The following GALNTL6 variants were observed in gnomAD, a reference collection of about 807,000 sequenced individuals.
GALNTL6 encodes polypeptide N-acetylgalactosaminyltransferase like 6.
A neutral mutation model predicts 73.7 loss-of-function variants in GALNTL6; 46 were observed. That is an observed-to-expected ratio of 0.62 (90% CI 0.49 to 0.80). The LOEUF is 0.80. Ranked by LOEUF, GALNTL6 falls within the 30% of genes least tolerant of loss-of-function variation. The pLI is 0.00. For synonymous variants in GALNTL6, 259 were observed against 263.7 expected (o/e 0.98, Z 0.17); for missense variants, 604 against 755.0 (o/e 0.80, Z 2.34).
intron 2 of GALNTL6, among the ~76,000 whole-genome samples, chr4:171,836,854 C>T (rs984437346): frequency 2.6e-5 from 4 of 152,034 alleles, no homozygotes; most frequent in African/African-American, 9.7e-5. Context: ...AGTTTCTCTT[C>T]ATTATAGAAG....
chr4:172,529,905 T>C (rs1000323610), intron 5 of GALNTL6, among the ~76,000 whole-genome samples: 3 of 148,810 alleles, frequency 2.0e-5, no homozygotes, highest in Admixed American at 2.0e-4. Context: ...ATTTATCTAT[T>C]TATTTATTGT....
At chr4:172,558,513 G>T (rs147906614) in intron 5 of GALNTL6, among the ~76,000 whole-genome samples, 187 of 152,256 alleles carry the variant, frequency 1.2e-3, no homozygotes, top group Non-Finnish European at 2.1e-3. Flanking sequence ...AAAAGATGAT[G>T]TGAGGATACA....
intron 2 of GALNTL6, among the ~76,000 whole-genome samples, chr4:172,085,442 C>T (rs1284636185): frequency 6.6e-6 from 1 of 152,016 alleles, no homozygotes. Flanking sequence ...AATCCTAGCA[C>T]TTTCGGAGGC....
chr4:172,622,678 A>G (rs547203923), intron 5 of GALNTL6, among the ~76,000 whole-genome samples: 1 of 152,284 alleles, frequency 6.6e-6, no homozygotes, highest in East Asian at 1.9e-4. Context: ...GCTGATAGGA[A>G]TAGGAGAACT....
intron 3 of GALNTL6, among the ~76,000 whole-genome samples, chr4:172,273,538 A>C (rs1474574072): frequency 1.3e-5 from 2 of 152,206 alleles, no homozygotes; most frequent in African/African-American, 4.8e-5. Context: ...ACTGGTGCAC[A>C]TAATACAATG....
intron 2 of GALNTL6, among the ~76,000 whole-genome samples, chr4:171,874,660 A>C (rs1736225921): frequency 6.6e-6 from 1 of 152,212 alleles, no homozygotes; most frequent in Admixed American, 6.5e-5. Context: ...AGGAACAGAC[A>C]CTTGCAGCGG....
intron 5 of GALNTL6, among the ~76,000 whole-genome samples, chr4:172,657,190 G>A (rs551649435): frequency 6.6e-6 from 1 of 152,258 alleles, no homozygotes; most frequent in East Asian, 1.9e-4. Context: ...CAAGCTTCAT[G>A]ATACTTTCTT....
In GALNTL6 at chr4:172,485,837, G is replaced by T. The variant is rs78077011; in HGVS notation, c.553+137148G>T. 6.0e-3 allele frequency among the ~76,000 whole-genome samples: 909 copies of T among 152,144 alleles called. 10 individuals are homozygous for T. Among genetic ancestry groups the T allele is most frequent in the African/African-American group, 0.021 (875 of 41,532 alleles). On this transcript the variant is annotated intron_variant, in intron 5 of 12. Transcript: ENST00000506823. ...TTTCATGTGAGAAATGGTTCTAAAT[G>T]TTTTTATGTTGTAAAAGTAAGGTTT...
At chr4:172,059,558 A>T (rs1731130824) in intron 2 of GALNTL6, among the ~76,000 whole-genome samples, 1 of 152,198 alleles carries the variant, frequency 6.6e-6, no homozygotes, top group South Asian at 2.1e-4. Flanking sequence ...GAGGGCAAGA[A>T]TGTAAGAAAA....
At chr4:172,589,910 G>T (rs965010453) in intron 5 of GALNTL6, among the ~76,000 whole-genome samples, 5 of 152,094 alleles carry the variant, frequency 3.3e-5, no homozygotes, top group African/African-American at 1.2e-4. Flanking sequence ...TGAGCATAAT[G>T]GACCAATTTT....
At chr4:172,469,786 A>G (rs1164751225) in intron 5 of GALNTL6, among the ~76,000 whole-genome samples, 1 of 152,142 alleles carries the variant, frequency 6.6e-6, no homozygotes, top group African/African-American at 2.4e-5. Context: ...ACGTTATTTT[A>G]TTTATTTAAA....
At chr4:172,540,146 G>A (rs1735498665) in intron 5 of GALNTL6, among the ~76,000 whole-genome samples, 1 of 151,006 alleles carries the variant, frequency 6.6e-6, no homozygotes, top group Non-Finnish European at 1.5e-5. Context: ...TGCCTCCCAG[G>A]TTCAAGTGAT....
chr4:172,534,007 A>G (rs1224468080), intron 5 of GALNTL6, among the ~76,000 whole-genome samples: 2 of 152,160 alleles, frequency 1.3e-5, no homozygotes, highest in African/African-American at 2.4e-5. Flanking sequence ...TAGATGGGAG[A>G]TATAGGAAAT....
At chr4:172,804,927 C>G (rs763609324) in intron 5 of GALNTL6, among the ~76,000 whole-genome samples, 3 of 152,080 alleles carry the variant, frequency 2.0e-5, no homozygotes, top group Non-Finnish European at 4.4e-5. Context: ...TGATTTGTCT[C>G]TTTCAAAAGT....
chr4:172,300,283 T>G (rs1161776018), intron 3 of GALNTL6, among the ~76,000 whole-genome samples: 1 of 152,188 alleles, frequency 6.6e-6, no homozygotes, highest in Admixed American at 6.5e-5. Context: ...TGAGATGGGT[T>G]TCCTGAATAC....
intron 4 of GALNTL6, among the ~76,000 whole-genome samples, chr4:172,345,810 A>G (rs1298647239): frequency 6.6e-6 from 1 of 152,214 alleles, no homozygotes; most frequent in African/African-American, 2.4e-5. Flanking sequence ...CAGAAAAGGG[A>G]AAGTAGCCAG....
intron 2 of GALNTL6, among the ~76,000 whole-genome samples, chr4:172,119,299 T>C (rs1198537613): frequency 6.6e-6 from 1 of 152,198 alleles, no homozygotes; most frequent in Non-Finnish European, 1.5e-5. Flanking sequence ...TTCAGATTTA[T>C]TTCAGTGCAC....
intron 5 of GALNTL6, chr4:172,666,666 C>A (rs1484169090): frequency 6.6e-6 from 1 of 152,150 alleles, no homozygotes; most frequent in Non-Finnish European, 1.5e-5. Flanking sequence ...CTTTTGTCTT[C>A]CTTTACCACC....
At chr4:171,942,475 T>C (rs1738581004) in intron 2 of GALNTL6, among the ~76,000 whole-genome samples, 1 of 152,296 alleles carries the variant, frequency 6.6e-6, no homozygotes, top group Non-Finnish European at 1.5e-5. Flanking sequence ...ATTACTCTGC[T>C]TAATTCTAAT....
Sources: gnomAD v4.1 joint callset for allele counts (sites outside exome capture counted in the v4.1 genomes callset) on GRCh38, gnomAD v4.1.1 for gene constraint, MANE v1.5 for transcripts, NCBI Gene and HGNC (gene_info 2026-07-23, HGNC 2026-07-21) for gene names.